GRID2: variants seen among roughly 807,000 people sequenced by gnomAD.
GRID2 encodes glutamate receptor ionotropic, delta-2.
Under a neutral mutation model 114.8 loss-of-function variants are expected in GRID2, and 33 were observed. That is an observed-to-expected ratio of 0.29 (90% CI 0.22 to 0.38). The LOEUF (loss-of-function observed/expected upper bound fraction) is 0.38. GRID2 is among the 10% of genes least tolerant of loss of function. GRID2 has a pLI of 1.00. For synonymous variants in GRID2, 505 were observed against 449.9 expected, an observed-to-expected ratio of 1.12 and a Z score of -1.55; for missense variants, 1,184 against 1,257.7, an observed-to-expected ratio of 0.94 and a Z score of 0.89.
chr4:93,453,848 A>C (rs1722943650), intron 10 of GRID2, among the ~76,000 whole-genome samples: 1 of 152,078 alleles, frequency 6.6e-6, no homozygotes, highest in Non-Finnish European at 1.5e-5. Flanking sequence ...TAATGGCCTG[A>C]AAAAGTAAAT....
intron 4 of GRID2, 112 bp from the exon 5 acceptor site, chr4:93,207,292 A>T: frequency 1.3e-6 from 1 of 786,360 alleles, no homozygotes; most frequent in South Asian, 1.4e-5. Context: ...TGAGTAACAA[A>T]GACCTTTCTA....
intron 8 of GRID2, among the ~76,000 whole-genome samples, chr4:93,325,458 C>A (rs1389400953): frequency 2.0e-5 from 3 of 151,976 alleles, no homozygotes; most frequent in Non-Finnish European, 2.9e-5. Context: ...AGCTGTACAT[C>A]TCTTAACCTG....
chr4:92,994,926 C>T (rs1331432820), intron 2 of GRID2, among the ~76,000 whole-genome samples: 2 of 152,098 alleles, frequency 1.3e-5, no homozygotes, highest in Admixed American at 6.6e-5. Context: ...GACTTCACAT[C>T]GATAGCCAGC....
At chr4:93,616,046 T>C (rs1032099456) in intron 13 of GRID2, among the ~76,000 whole-genome samples, 6 of 152,212 alleles carry the variant, frequency 3.9e-5, no homozygotes, top group Non-Finnish European at 7.3e-5. Flanking sequence ...AGTCATCTTG[T>C]AGTCATATGT....
chr4:92,575,952 T>G (rs1247297927), intron 1 of GRID2, among the ~76,000 whole-genome samples: 1 of 152,152 alleles, frequency 6.6e-6, no homozygotes, highest in Non-Finnish European at 1.5e-5. Flanking sequence ...AGGGTCCCCC[T>G]TAAAGAAGCA....
chr4:92,325,100 A>G (rs1246017476), intron 1 of GRID2, among the ~76,000 whole-genome samples: 1 of 151,850 alleles, frequency 6.6e-6, no homozygotes, highest in Non-Finnish European at 1.5e-5. Context: ...CATCTCTATC[A>G]TTATTTCAGT....
chr4:93,370,394 C>T (rs1279401048), intron 8 of GRID2, among the ~76,000 whole-genome samples: 1 of 151,106 alleles, frequency 6.6e-6, no homozygotes, highest in Non-Finnish European at 1.5e-5. Context: ...CACACAAACA[C>T]ACACAAACAC....
intron 2 of GRID2, among the ~76,000 whole-genome samples, chr4:93,033,000 C>A (rs572571946): frequency 3.9e-5 from 6 of 152,158 alleles, no homozygotes; most frequent in Non-Finnish European, 8.8e-5. Flanking sequence ...AAAATCCTTA[C>A]AACTTGTGTC....
At chr4:93,737,702 G>T (rs1731045141) in intron 14 of GRID2, among the ~76,000 whole-genome samples, 1 of 152,052 alleles carries the variant, frequency 6.6e-6, no homozygotes, top group African/African-American at 2.4e-5. Context: ...CATATCGAAA[G>T]ATTCCATCTC....
At chr4:92,788,793 G>A (rs1739442075) in intron 2 of GRID2, among the ~76,000 whole-genome samples, 1 of 151,396 alleles carries the variant, frequency 6.6e-6, no homozygotes, top group East Asian at 2.0e-4. Context: ...AAATGTAGCA[G>A]GTTTTTTCTC....
chr4:93,339,608 G>A (rs1488699474), intron 8 of GRID2, among the ~76,000 whole-genome samples: 4 of 152,136 alleles, frequency 2.6e-5, no homozygotes, highest in African/African-American at 9.7e-5. Context: ...CCAGTATGTG[G>A]TACTTTGTTA....
intron 13 of GRID2, among the ~76,000 whole-genome samples, chr4:93,567,804 G>A (rs189454757): frequency 6.6e-6 from 1 of 152,268 alleles, no homozygotes; most frequent in East Asian, 1.9e-4. Flanking sequence ...CAGCCTTGTT[G>A]ATGGATTTTA....
At chr4:92,915,432 C>G (rs1748706469) in intron 2 of GRID2, among the ~76,000 whole-genome samples, 2 of 152,056 alleles carry the variant, frequency 1.3e-5, no homozygotes, top group South Asian at 2.1e-4. Flanking sequence ...CATCTGGGTG[C>G]TGGCTATGCT....
intron 2 of GRID2, among the ~76,000 whole-genome samples, chr4:92,992,398 G>T (rs1275643806): frequency 6.6e-6 from 1 of 152,040 alleles, no homozygotes; most frequent in African/African-American, 2.4e-5. Context: ...GACCCCTGGA[G>T]CCTCAAATGT....
At chr4:92,333,955 T>A (rs1168318490) in intron 1 of GRID2, among the ~76,000 whole-genome samples, 1 of 152,140 alleles carries the variant, frequency 6.6e-6, no homozygotes, top group African/African-American at 2.4e-5. Flanking sequence ...GGTCTCAATC[T>A]TCTGGGCCCT....
chr4:93,239,391 T>C (rs1384172376), intron 8 of GRID2, among the ~76,000 whole-genome samples: 3 of 84,332 alleles, frequency 3.6e-5, no homozygotes, highest in Non-Finnish European at 7.2e-5. Flanking sequence ...GGGAAAAACC[T>C]AACATAATTG....
chr4:92,596,468 C>T (rs566218949), intron 2 of GRID2, among the ~76,000 whole-genome samples: 4 of 152,154 alleles, frequency 2.6e-5, no homozygotes, highest in Admixed American at 2.6e-4. Flanking sequence ...AGTGACTAAA[C>T]CCCCTGTTTT....
intron 2 of GRID2, among the ~76,000 whole-genome samples, chr4:93,029,572 C>T (rs1053455330): frequency 1.1e-4 from 16 of 151,816 alleles, no homozygotes; most frequent in African/African-American, 1.7e-4. Context: ...ACCAGTAAAC[C>T]GGAGTATTTT....
At chr4:92,873,510 A>T (rs558374402) in intron 2 of GRID2, among the ~76,000 whole-genome samples, 1 of 152,272 alleles carries the variant, frequency 6.6e-6, no homozygotes, top group Non-Finnish European at 1.5e-5. Context: ...TAAATTCTAC[A>T]TTCAAATCTT....
Sources: allele counts gnomAD v4.1 joint callset (sites outside exome capture counted in the v4.1 genomes callset), GRCh38; gene constraint gnomAD v4.1.1; transcripts MANE v1.5; gene names NCBI Gene and HGNC (gene_info 2026-07-23, HGNC 2026-07-21).